Variants in RELL1 observed in about 807,000 individuals in gnomAD.
RELL1 encodes the protein RELT-like protein 1.
In RELL1, 10 loss-of-function variants were observed where a neutral mutation model predicts 23.0. The ratio of observed to expected loss-of-function variants is 0.43; its 90% CI spans 0.27 to 0.74. RELL1 has a LOEUF of 0.74. Ranked by LOEUF, RELL1 falls within the 30% of genes least tolerant of loss-of-function variation. The probability of loss-of-function intolerance (pLI) is 0.19; values close to 1 mark genes in which losing one functional copy is unlikely to be tolerated. For synonymous variants in RELL1, 146 were observed against 146.8 expected (o/e 0.99, Z 0.04); for missense variants, 315 against 364.4 (o/e 0.86, Z 1.10).
chr4:37,608,645 A>AATT (rs1223933988), downstream of RELL1, among the ~76,000 whole-genome samples: 2 of 139,954 alleles, frequency 1.4e-5, no homozygotes, highest in Admixed American at 7.0e-5. Context: ...TTTTAAATTT[A>AATT]ATTTTTTTTT....
chr4:37,647,338 A>C, intron 3 of RELL1, 30 bp downstream of exon 3: 1 of 1,517,780 alleles, frequency 6.6e-7, no homozygotes, highest in Non-Finnish European at 9.1e-7. Flanking sequence ...AGGAATACTG[A>C]ATTGTTTTGG....
chr4:37,631,688 TC>T (rs1424455151), intron 5 of RELL1, among the ~76,000 whole-genome samples, 165 bp from the exon 6 acceptor site: 6 of 152,054 alleles, frequency 3.9e-5, no homozygotes, highest in African/African-American at 1.2e-4. Context: ...TCCAGTACAT[TC>T]CCCTGGCCCC....
chr4:37,661,354 A>G (rs1206732267), intron 1 of RELL1, among the ~76,000 whole-genome samples: 1 of 152,154 alleles, frequency 6.6e-6, no homozygotes, highest in Non-Finnish European at 1.5e-5. Context: ...ATCTCAGCTC[A>G]CTGCAACCTC....
chr4:37,647,277 A>G, intron 3 of RELL1, 91 bp downstream of exon 3: 2 of 827,006 alleles, frequency 2.4e-6, no homozygotes, highest in Non-Finnish European at 4.1e-6. Context: ...GAAGTCAGTA[A>G]GAGAGTCTAT....
chr4:37,599,544 C>G (rs963155659), intron 6 of RELL1, among the ~76,000 whole-genome samples: 8 of 152,130 alleles, frequency 5.3e-5, no homozygotes, highest in Admixed American at 4.6e-4. Context: ...CTTTATGATT[C>G]TAATGTCAGA....
At chr4:37,616,033 G>T (rs1028557381) in intron 6 of RELL1, among the ~76,000 whole-genome samples, 2 of 152,086 alleles carry the variant, frequency 1.3e-5, no homozygotes, top group Admixed American at 1.3e-4. Context: ...TAAGAAACTA[G>T]GAGCCTAAGC....
At chr4:37,633,929 A>C (rs1720227788) in intron 5 of RELL1, among the ~76,000 whole-genome samples, 1 of 152,214 alleles carries the variant, frequency 6.6e-6, no homozygotes, top group African/African-American at 2.4e-5. Flanking sequence ...GGGGGTTGTC[A>C]GTATACTGAG....
intron 6 of RELL1, among the ~76,000 whole-genome samples, chr4:37,600,780 C>CGTGTGTGTGTGTGTGTGTGT (rs71189087): frequency 3.4e-5 from 5 of 147,568 alleles, no homozygotes; most frequent in African/African-American, 1.0e-4. Flanking sequence ...TGGATTTGTG[C>CGTGTGTGTGTGTGTGTGTGT]GTGTGTGTGT....
chr4:37,686,279 C>T lies in RELL1; in HGVS notation c.9G>A (p.Pro3=), dbSNP rs1165063167. 6.5e-7 allele frequency: 1 copy of T among 1,531,224 alleles called. No homozygotes were observed. The highest frequency in any genetic ancestry group is 2.6e-5 in the East Asian group (1 of 37,956). 94.9% of individuals were successfully genotyped at this position (1,531,224 alleles called of 1,614,324 possible). MA[P]RALPGSAVLA... The stretch of plus-strand genomic sequence containing the variant: ...GGACGGCGGACCCCGGGAGTGCCCG[C>T]GGAGCCATCGCCGCGTCGCTTCGCC... The change falls in exon 1 of 7, where the codon CCG becomes CCA. Residue 3 remains proline, a synonymous_variant. Coordinates refer to ENST00000454158, the MANE Select transcript of RELL1 (RefSeq NM_001085400.2).
intron 6 of RELL1, among the ~76,000 whole-genome samples, chr4:37,596,746 T>A (rs1247613033): frequency 5.7e-3 from 265 of 46,218 alleles, no homozygotes; most frequent in African/African-American, 0.019. Context: ...ATTTTTTTTT[T>A]TTTTTTTTTT....
chr4:37,608,044 G>A (rs189597725), downstream of RELL1, among the ~76,000 whole-genome samples: 16 of 152,192 alleles, frequency 1.1e-4, no homozygotes, highest in East Asian at 3.1e-3. Flanking sequence ...TAATTGTTTT[G>A]GGATGACATG....
chr4:37,668,745 G>A (rs1193325547), intron 1 of RELL1, among the ~76,000 whole-genome samples: 2 of 147,318 alleles, frequency 1.4e-5, no homozygotes, highest in African/African-American at 2.6e-5. Context: ...ATCTCTGCCC[G>A]GCCGCCATCC....
intron 1 of RELL1, among the ~76,000 whole-genome samples, chr4:37,676,755 T>C (rs559218375): frequency 7.9e-5 from 12 of 152,310 alleles, no homozygotes; most frequent in African/African-American, 2.4e-4. Flanking sequence ...TGGGTGAATA[T>C]TGGAAACAGT....
chr4:37,677,222 G>C (rs2109314375), intron 1 of RELL1, among the ~76,000 whole-genome samples: 1 of 152,338 alleles, frequency 6.6e-6, no homozygotes, highest in African/African-American at 2.4e-5. Context: ...TGTAGATCAA[G>C]GAAACCTGCC....
At chr4:37,635,784 C>T (rs1577579387) in intron 4 of RELL1, among the ~76,000 whole-genome samples, 1 of 152,170 alleles carries the variant, frequency 6.6e-6, no homozygotes, top group African/African-American at 2.4e-5. Context: ...TCTCACATAC[C>T]AGAGTGTCTG....
At chr4:37,657,459 T>C (rs1378802511) in intron 1 of RELL1, among the ~76,000 whole-genome samples, 2 of 152,204 alleles carry the variant, frequency 1.3e-5, no homozygotes. Flanking sequence ...AGTATTTATA[T>C]GTAGAAGGGA....
chr4:37,613,379 A>C (rs1156529069), intron 6 of RELL1, 37 bp from the exon 7 acceptor site: 1 of 152,076 alleles, frequency 6.6e-6, no homozygotes, highest in East Asian at 1.9e-4. Context: ...TCTTTAACCA[A>C]GGGTAAGCAT....
At chr4:37,686,129 C>T (rs1054189082) in intron 1 of RELL1, 71 bp downstream of exon 1, 4 of 1,315,064 alleles carry the variant, frequency 3.0e-6, no homozygotes, top group African/African-American at 1.5e-5. Flanking sequence ...GCCGTCCCGA[C>T]CCCTCGCTTC....
intron 6 of RELL1, among the ~76,000 whole-genome samples, chr4:37,616,013 A>C (rs995793290): frequency 6.6e-6 from 1 of 152,200 alleles, no homozygotes; most frequent in Non-Finnish European, 1.5e-5. Context: ...TAAAAATTAG[A>C]AACATGTTAT....
Sources: gnomAD v4.1 joint callset for allele counts (sites outside exome capture counted in the v4.1 genomes callset) on GRCh38, gnomAD v4.1.1 for gene constraint, MANE v1.5 for transcripts, NCBI Gene and HGNC (gene_info 2026-07-23, HGNC 2026-07-21) for gene names.